COL5A1: variants seen among roughly 807,000 people sequenced by gnomAD.
The protein encoded by COL5A1 is collagen type V alpha 1 chain.
In COL5A1, 16 loss-of-function variants were observed where a neutral mutation model predicts 263.7. That is an observed-to-expected ratio of 0.06 (90% confidence interval 0.04 to 0.09). COL5A1 has a LOEUF of 0.09. COL5A1 is among the 10% of genes least tolerant of loss of function. The pLI is 1.00. For synonymous variants in COL5A1, 1,012 were observed against 1,004.5 expected, an observed-to-expected ratio of 1.01 and a Z score of -0.14; for missense variants, 2,036 against 2,540.5, an observed-to-expected ratio of 0.80 and a Z score of 4.27.
chr9:134,783,893 G>GTCCTTTTC (rs77603620), intron 29 of COL5A1, among the ~76,000 whole-genome samples: 3,858 of 152,354 alleles, frequency 0.025, 47 homozygotes, highest in East Asian at 0.034. Context: ...GATGGTGAAA[G>GTCCTTTTC]TCCTTTTCTC....
intron 1 of COL5A1, among the ~76,000 whole-genome samples, chr9:134,663,876 C>T (rs1832281550): frequency 6.6e-6 from 1 of 152,220 alleles, no homozygotes; most frequent in Admixed American, 6.5e-5. Context: ...ACTGCAAGGG[C>T]AGGGGTGTTG....
rs889059519 is a variant in COL5A1 at position 134,815,700 on chromosome 9, C to T, written c.4068+71C>T. On this transcript the variant is annotated intron_variant, in intron 51 of 65. Transcript: ENST00000371817. ...GCCTGCCTCTGCCAGCCCCATTTCCCCTCTTTCTGGTGGTTCTTTGTGATG... is the reference window on the plus strand; with the variant it reads ...GCCTGCCTCTGCCAGCCCCATTTCCTCTCTTTCTGGTGGTTCTTTGTGATG... 17 of 1,530,396 alleles carry T rather than the reference C, an allele frequency of 1.1e-5. No homozygotes were observed. The East Asian group carries it at 2.7e-4, about 25-fold the overall frequency. The allele number at this position is 1,530,396 out of a possible 1,614,324, so 94.8% of individuals were successfully genotyped here.
chr9:134,783,567 C>T (rs765866544), intron 29 of COL5A1, among the ~76,000 whole-genome samples: 2 of 152,156 alleles, frequency 1.3e-5, no homozygotes, highest in Admixed American at 1.3e-4. Flanking sequence ...GCCGTGGTGA[C>T]AGCTGTGCAC....
At chr9:134,816,582 G>A (rs1184099705) in intron 52 of COL5A1, among the ~76,000 whole-genome samples, 1 of 152,248 alleles carries the variant, frequency 6.6e-6, no homozygotes, top group Non-Finnish European at 1.5e-5. Flanking sequence ...TCACTGAGTT[G>A]AGAGGAGCGT....
At chr9:134,727,931 C>T (rs1171605907) in intron 5 of COL5A1, among the ~76,000 whole-genome samples, 2 of 152,232 alleles carry the variant, frequency 1.3e-5, no homozygotes, top group East Asian at 1.9e-4. Context: ...CACACCCTCG[C>T]GGCACTGCAG....
rs1206961948 is a variant in COL5A1 at position 134,811,616 on chromosome 9, C to T, written c.3690+17C>T. On this transcript the variant is annotated intron_variant, in intron 46 of 65. Coordinates refer to ENST00000371817, the MANE Select transcript of COL5A1 (RefSeq NM_000093.5). ...GGGCTGCAGGTAACTGTGGGGTTCT[C>T]ACCACACCGGGCTCCTCCGCTTCTG... The T allele has an allele frequency of 2.0e-6, 3 of 1,535,234 alleles. No individual in the cohort carries two copies. The highest frequency in any genetic ancestry group is 4.9e-5 in the East Asian group (2 of 40,840).
intron 48 of COL5A1, 119 bp downstream of exon 48, chr9:134,812,831 C>A: frequency 1.3e-6 from 1 of 764,970 alleles, no homozygotes. Flanking sequence ...TGTGGGGGTG[C>A]ATACACGTGT....
chr9:134,717,256 GC>G (rs34180937), intron 4 of COL5A1, among the ~76,000 whole-genome samples: 26,645 of 152,042 alleles, frequency 0.18, 2,554 homozygotes, highest in East Asian at 0.39. Flanking sequence ...AATCCGCCGG[GC>G]CCAGCGGGAG....
chr9:134,678,334 G>A lies in COL5A1; in HGVS notation c.110-12578G>A, dbSNP rs907529369. Among the ~76,000 whole-genome samples the A allele has an allele frequency of 6.6e-5, 10 of 152,192 alleles. No individual in the cohort carries two copies. The highest frequency in any genetic ancestry group is 6.2e-4 in the South Asian group (3 of 4,828). On this transcript the variant is annotated intron_variant, in intron 1 of 65. Coordinates refer to ENST00000371817, the MANE Select transcript of COL5A1 (RefSeq NM_000093.5). The surrounding 1 kb of genome is among the most constrained non-coding windows in gnomAD (Gnocchi z 5.5). Reference sequence around the variant, plus strand: ...AATAAGGGAAGTGTGGCAGCTGGGCGCAGAGCACATAACAGGTGCACAGTC... The same window carrying A: ...AATAAGGGAAGTGTGGCAGCTGGGCACAGAGCACATAACAGGTGCACAGTC...
In COL5A1 at chr9:134,827,315, G is replaced by A. The variant is rs577560527; in HGVS notation, c.5067+1411G>A. Among the ~76,000 whole-genome samples, 3 of 152,346 alleles carry A rather than the reference G, an allele frequency of 2.0e-5. No homozygotes were observed. The South Asian group carries it at 6.2e-4, about 32-fold the overall frequency. ...TTAGGAGCCCACTGGCTGCAGTGGAGGCTGCACATGGCTGGAGATCTGTGG... is the reference window on the plus strand; with the variant it reads ...TTAGGAGCCCACTGGCTGCAGTGGAAGCTGCACATGGCTGGAGATCTGTGG... On this transcript the variant is annotated intron_variant, in intron 63 of 65. Transcript: ENST00000371817.
chr9:134,795,687 CCAGAACCTA>C (rs1837882450), intron 34 of COL5A1, among the ~76,000 whole-genome samples: 1 of 152,224 alleles, frequency 6.6e-6, no homozygotes, highest in Non-Finnish European at 1.5e-5. Flanking sequence ...GAGGCCTCTA[CCAGAACCTA>C]CAGAAAGTGC....
chr9:134,727,520 G>T, intron 5 of COL5A1, 123 bp downstream of exon 5: 1 of 1,068,888 alleles, frequency 9.4e-7, no homozygotes, highest in East Asian at 2.5e-5. Flanking sequence ...AATTTGGAGG[G>T]ACCTAGGAGG....
At position 134,700,965 on chromosome 9, in the gene COL5A1, G is replaced by A. The variant is rs550138574; in HGVS notation, c.492-206G>A. ...AGACAGCCATCCTTGTCTGAGGGACGAGGGTTCTGGGGAATGAGTAGATCT... is the reference window on the plus strand; with the variant it reads ...AGACAGCCATCCTTGTCTGAGGGACAAGGGTTCTGGGGAATGAGTAGATCT... On this transcript the variant is annotated intron_variant, in intron 3 of 65. Transcript: ENST00000371817. This position sits in a 1 kb window ranked among gnomAD's most constrained non-coding sequence, Gnocchi z 4.0. Among the ~76,000 whole-genome samples, 16 of 152,274 alleles carry A rather than the reference G, an allele frequency of 1.1e-4. No individual in the cohort carries two copies. Among genetic ancestry groups the A allele is most frequent in the South Asian group, 8.3e-4 (4 of 4,832 alleles).
At chr9:134,834,708 C>A (rs1349954836) in intron 64 of COL5A1, among the ~76,000 whole-genome samples, 1 of 152,072 alleles carries the variant, frequency 6.6e-6, no homozygotes, top group Non-Finnish European at 1.5e-5. Context: ...GGTGCCGAGC[C>A]CTGAAGGATA....
chr9:134,697,395 G>A (rs766005121), intron 2 of COL5A1, among the ~76,000 whole-genome samples: 11 of 152,192 alleles, frequency 7.2e-5, no homozygotes, highest in African/African-American at 1.9e-4. Flanking sequence ...AATGAGCTGC[G>A]GAGATGGGGG....
intron 1 of COL5A1, among the ~76,000 whole-genome samples, chr9:134,674,014 A>G (rs958239126): frequency 3.3e-5 from 5 of 152,188 alleles, no homozygotes; most frequent in Non-Finnish European, 7.3e-5. Context: ...CCATAAGGAC[A>G]TACTGCAAAA....
intron 1 of COL5A1, among the ~76,000 whole-genome samples, chr9:134,653,689 G>C (rs1433518001): frequency 6.6e-6 from 1 of 152,122 alleles, no homozygotes; most frequent in East Asian, 1.9e-4. Context: ...TGTAGGGCCA[G>C]GGTTCTATAG....
At chr9:134,656,499 G>C (rs1831978647) in intron 1 of COL5A1, among the ~76,000 whole-genome samples, 1 of 152,186 alleles carries the variant, frequency 6.6e-6, no homozygotes, top group Non-Finnish European at 1.5e-5. Context: ...CTGCATATCA[G>C]AGGCAATAGC....
At position 134,647,666 on chromosome 9, in the gene COL5A1, C is replaced by T. The variant is rs994944070; in HGVS notation, c.109+5370C>T. 4.6e-5 allele frequency among the ~76,000 whole-genome samples: 7 copies of T among 152,160 alleles called. No individual in the cohort carries two copies. Among genetic ancestry groups the T allele is most frequent in the African/African-American group, 1.4e-4 (6 of 41,438 alleles). Reference sequence around the variant, plus strand: ...TGGCACGTGGAACCTGCCGGTTGAGCGTGAGGCTGTGGGTTCTGCCGCAGG... The same window carrying T: ...TGGCACGTGGAACCTGCCGGTTGAGTGTGAGGCTGTGGGTTCTGCCGCAGG... On this transcript the variant is annotated intron_variant, in intron 1 of 65. Transcript: ENST00000371817. This position sits in a 1 kb window ranked among gnomAD's most constrained non-coding sequence, Gnocchi z 5.0.
Sources: allele counts gnomAD v4.1 joint callset (sites outside exome capture counted in the v4.1 genomes callset), GRCh38; gene constraint gnomAD v4.1.1; non-coding constraint Gnocchi (gnomAD v3.1); transcripts MANE v1.5; gene names NCBI Gene and HGNC (gene_info 2026-07-23, HGNC 2026-07-21).